The following LMBR1 variants were observed in gnomAD, a reference collection of about 807,000 sequenced individuals.
LMBR1 encodes limb development membrane protein 1.
A neutral mutation model predicts 73.9 loss-of-function variants in LMBR1; 52 were observed. The observed-to-expected ratio is 0.70, with a 90% confidence interval of 0.56 to 0.89. The LOEUF is 0.89. Ranked by LOEUF, LMBR1 falls within the 40% of genes least tolerant of loss-of-function variation. The pLI is 0.00. For missense variants in LMBR1, 539 were observed against 579.8 expected (o/e 0.93, Z 0.72); for synonymous variants, 215 against 209.4 (o/e 1.03, Z -0.23).
chr7:156,865,567 A>C (rs1473254125), intron 1 of LMBR1, among the ~76,000 whole-genome samples: 1 of 152,210 alleles, frequency 6.6e-6, no homozygotes, highest in Non-Finnish European at 1.5e-5. Context: ...TCTTACAGAA[A>C]TTGACAGGCT....
intron 15 of LMBR1, among the ~76,000 whole-genome samples, chr7:156,714,345 G>T (rs1329739399): frequency 6.6e-6 from 1 of 152,240 alleles, no homozygotes; most frequent in Non-Finnish European, 1.5e-5. Flanking sequence ...GCTGAGCTGA[G>T]TCTTGAATGA....
At chr7:156,875,945 C>T (rs1800104352) in intron 1 of LMBR1, among the ~76,000 whole-genome samples, 1 of 150,432 alleles carries the variant, frequency 6.6e-6, no homozygotes, top group East Asian at 1.9e-4. Context: ...CAACCAATAG[C>T]ACGATGAATG....
In LMBR1 at chr7:156,763,500, A is replaced by T. The variant is rs116464129; in HGVS notation, c.550+169T>A. 7.7e-3 allele frequency among the ~76,000 whole-genome samples: 1,165 copies of T among 152,226 alleles called. 10 individuals carry two copies. The highest frequency in any genetic ancestry group is 0.027 in the African/African-American group (1,106 of 41,544). On this transcript the variant is annotated intron_variant, in intron 6 of 16. Coordinates refer to ENST00000353442, the MANE Select transcript of LMBR1 (RefSeq NM_022458.4). ...TGTTCTTCACATATAAAATAAATAA[A>T]ACTTCATTTTTAGATAAAAATATCT...
chr7:156,816,364 C>A (rs992147230), intron 4 of LMBR1, among the ~76,000 whole-genome samples: 1 of 151,990 alleles, frequency 6.6e-6, no homozygotes, highest in Non-Finnish European at 1.5e-5. Context: ...CACCATCACA[C>A]CAGGCTAACG....
At chr7:156,752,397 A>G (rs1821070622) in intron 9 of LMBR1, among the ~76,000 whole-genome samples, 1 of 152,190 alleles carries the variant, frequency 6.6e-6, no homozygotes, top group Non-Finnish European at 1.5e-5. Context: ...GATGGAAAGG[A>G]TACAGTTGGG....
At chr7:156,859,303 A>AT (rs1409412864) in intron 1 of LMBR1, among the ~76,000 whole-genome samples, 1 of 152,088 alleles carries the variant, frequency 6.6e-6, no homozygotes, top group East Asian at 1.9e-4. Flanking sequence ...CAAGGCAAAG[A>AT]TATCTCCTCT....
chr7:156,804,345 G>C (rs6946233), intron 4 of LMBR1, among the ~76,000 whole-genome samples: 10,328 of 151,922 alleles, frequency 0.068, 445 homozygotes, highest in African/African-American at 0.11. Flanking sequence ...AAATAAAATA[G>C]TCATAAATGC....
intron 4 of LMBR1, among the ~76,000 whole-genome samples, chr7:156,818,004 C>G (rs1349944492): frequency 6.6e-6 from 1 of 152,116 alleles, no homozygotes; most frequent in Non-Finnish European, 1.5e-5. Flanking sequence ...AACAATACCT[C>G]AATATCCAGT....
intron 4 of LMBR1, among the ~76,000 whole-genome samples, chr7:156,818,289 T>C (rs1000505755): frequency 4.6e-5 from 7 of 152,336 alleles, no homozygotes; most frequent in African/African-American, 1.7e-4. Flanking sequence ...CTATTCCTGA[T>C]GACAAATCAA....
At chr7:156,726,184 C>A in intron 12 of LMBR1, 2 of 193,184 alleles carry the variant, frequency 1.0e-5, no homozygotes, top group Non-Finnish European at 2.1e-5. Flanking sequence ...TTTAAAAACA[C>A]AATAGAAAAA....
chr7:156,725,708 G>A, intron 13 of LMBR1, 56 bp downstream of exon 13: 14 of 1,510,600 alleles, frequency 9.3e-6, no homozygotes, highest in Non-Finnish European at 1.3e-5. Context: ...TACTGCCCCA[G>A]AAAACTTGGT....
At chr7:156,889,161 G>T (rs1020314641) in intron 1 of LMBR1, among the ~76,000 whole-genome samples, 38 of 152,300 alleles carry the variant, frequency 2.5e-4, no homozygotes, top group Non-Finnish European at 4.4e-4. Flanking sequence ...GACAAATATT[G>T]TATGGTTCAA....
chr7:156,718,206 C>T (rs1424434050), intron 15 of LMBR1, among the ~76,000 whole-genome samples: 13 of 151,902 alleles, frequency 8.6e-5, no homozygotes, highest in African/African-American at 2.9e-4. Context: ...TTCAGACCAG[C>T]CTGGGCAATA....
intron 4 of LMBR1, among the ~76,000 whole-genome samples, chr7:156,799,468 T>C (rs1258536325): frequency 6.6e-6 from 1 of 152,230 alleles, no homozygotes; most frequent in Non-Finnish European, 1.5e-5. Flanking sequence ...GTTAATTGTT[T>C]GGGGGCGCTG....
intron 8 of LMBR1, among the ~76,000 whole-genome samples, chr7:156,760,021 G>A (rs1038843317): frequency 4.6e-5 from 7 of 152,168 alleles, no homozygotes; most frequent in African/African-American, 1.7e-4. Context: ...CAAAGCAGGT[G>A]ACCAGGGGTG....
chr7:156,833,198 A>G (rs1205317348), intron 3 of LMBR1, among the ~76,000 whole-genome samples: 1 of 152,236 alleles, frequency 6.6e-6, no homozygotes, highest in African/African-American at 2.4e-5. Flanking sequence ...AAATCCTGGA[A>G]TACAGAACTT....
chr7:156,684,175 T>A lies in LMBR1; in HGVS notation c.1388-12A>T, dbSNP rs200844388. On this transcript the variant is annotated splice_polypyrimidine_tract_variant and intron_variant, in intron 16 of 16. Transcript: ENST00000353442. ...AAGTTTATGAAGCCCTGCAAAAAAA[T>A]TAAGAAAATGGTGAGAAATGATATA... 4.4e-6 allele frequency: 7 copies of A among 1,603,770 alleles called. No homozygotes were observed.
At chr7:156,697,356 A>G (rs939036329) in intron 15 of LMBR1, among the ~76,000 whole-genome samples, 4 of 152,202 alleles carry the variant, frequency 2.6e-5, no homozygotes, top group Admixed American at 6.5e-5. Flanking sequence ...CTTGATAAAC[A>G]TCTTAAACAA....
intron 5 of LMBR1, among the ~76,000 whole-genome samples, chr7:156,771,317 T>C (rs1239332667): frequency 6.6e-6 from 1 of 151,942 alleles, no homozygotes; most frequent in Non-Finnish European, 1.5e-5. Flanking sequence ...AAAAATAAGG[T>C]AGATAGACTG....
Sources: allele counts gnomAD v4.1 joint callset (sites outside exome capture counted in the v4.1 genomes callset), GRCh38; gene constraint gnomAD v4.1.1; transcripts MANE v1.5; gene names NCBI Gene and HGNC (gene_info 2026-07-23, HGNC 2026-07-21).